Variants in PTPRD observed in about 807,000 individuals in gnomAD.
PTPRD encodes the protein receptor-type tyrosine-protein phosphatase delta.
In PTPRD, 34 loss-of-function variants were observed where a neutral mutation model predicts 214.5. The observed-to-expected ratio is 0.16, with a 90% CI of 0.12 to 0.21. PTPRD has a LOEUF of 0.21. Ranked by LOEUF, PTPRD falls within the 10% of genes least tolerant of loss-of-function variation. The pLI, the probability that PTPRD is intolerant of heterozygous loss-of-function variation, is 1.00. For missense variants in PTPRD, 2,545 were observed against 2,398.7 expected, an observed-to-expected ratio of 1.06 and a Z score of -1.27; for synonymous variants, 1,128 against 845.7, an observed-to-expected ratio of 1.33 and a Z score of -5.79.
intron 10 of PTPRD, among the ~76,000 whole-genome samples, chr9:9,029,715 G>A (rs1315280829): frequency 6.6e-6 from 1 of 151,852 alleles, no homozygotes; most frequent in Non-Finnish European, 1.5e-5. Flanking sequence ...GTACGGTAGT[G>A]GTGGAGAGCT....
chr9:9,148,398 G>A (rs954889644), intron 10 of PTPRD, among the ~76,000 whole-genome samples: 1 of 152,046 alleles, frequency 6.6e-6, no homozygotes, highest in African/African-American at 2.4e-5. Flanking sequence ...AACCCAACCT[G>A]TAATTATATG....
intron 7 of PTPRD, among the ~76,000 whole-genome samples, chr9:9,578,472 C>A (rs2154309177): frequency 6.6e-6 from 1 of 151,444 alleles, no homozygotes; most frequent in East Asian, 1.9e-4. Context: ...TGCAAGGAGT[C>A]CAAAAATTTG....
intron 30 of PTPRD, among the ~76,000 whole-genome samples, chr9:8,480,362 G>A (rs747581619): frequency 3.3e-5 from 5 of 152,128 alleles, no homozygotes; most frequent in Non-Finnish European, 7.4e-5. Flanking sequence ...CTCTAGGACT[G>A]CTGAACTAAT....
intron 3 of PTPRD, among the ~76,000 whole-genome samples, chr9:10,255,814 T>A (rs1031789879): frequency 7.2e-5 from 11 of 152,334 alleles, no homozygotes; most frequent in African/African-American, 2.4e-4. Flanking sequence ...TCATTATTAC[T>A]ATTATTTACT....
At chr9:8,750,256 C>A (rs912790117) in intron 11 of PTPRD, among the ~76,000 whole-genome samples, 1 of 152,006 alleles carries the variant, frequency 6.6e-6, no homozygotes, top group Admixed American at 6.5e-5. Flanking sequence ...CTCCCAGGTT[C>A]AAGCGATTCT....
At chr9:8,355,636 C>G (rs1291050365) in intron 39 of PTPRD, among the ~76,000 whole-genome samples, 1 of 152,134 alleles carries the variant, frequency 6.6e-6, no homozygotes, top group Admixed American at 6.5e-5. Context: ...AATAATTCAA[C>G]TCAATGGATG....
intron 7 of PTPRD, among the ~76,000 whole-genome samples, chr9:9,715,250 G>A (rs974649871): frequency 7.9e-5 from 12 of 152,078 alleles, no homozygotes; most frequent in South Asian, 2.1e-4. Context: ...ACTATATTGC[G>A]GGCAATTTGA....
intron 4 of PTPRD, among the ~76,000 whole-genome samples, chr9:9,972,204 A>G (rs950448717): frequency 9.2e-5 from 14 of 152,148 alleles, no homozygotes; most frequent in African/African-American, 3.4e-4. Context: ...GCATCTTAAC[A>G]TTTCTAGTAG....
intron 9 of PTPRD, among the ~76,000 whole-genome samples, chr9:9,336,098 C>A (rs10816094): frequency 0.17 from 25,918 of 151,986 alleles, 2,394 homozygotes; most frequent in East Asian, 0.32. Context: ...CACACATAAT[C>A]TTTTATTTTC....
rs375396970 is a variant in PTPRD at position 10,242,595 on chromosome 9, C to A, written c.-545+98368G>T. Among the ~76,000 whole-genome samples the A allele has an allele frequency of 9.8e-4, 135 of 137,058 alleles. 1 individual carries two copies. The South Asian group carries it at 0.031, about 31-fold the overall frequency. 89.9% of individuals were successfully genotyped at this position (137,058 alleles called of 152,430 possible). On this transcript the variant is annotated intron_variant, in intron 3 of 45. Coordinates refer to ENST00000381196, the MANE Select transcript of PTPRD (RefSeq NM_002839.4). ...TGTTGCTTTACTTGAGTGTTAGAGG[C>A]AGGCATTGAATACATTTTTTTTTTT...
intron 4 of PTPRD, among the ~76,000 whole-genome samples, chr9:10,004,449 T>A (rs1207903660): frequency 1.3e-5 from 2 of 152,018 alleles, no homozygotes; most frequent in Admixed American, 6.6e-5. Context: ...GTATGGCAGA[T>A]AATTCACATC....
At chr9:10,274,183 C>T (rs2094559462) in intron 3 of PTPRD, among the ~76,000 whole-genome samples, 1 of 152,134 alleles carries the variant, frequency 6.6e-6, no homozygotes, top group Non-Finnish European at 1.5e-5. Flanking sequence ...AATTAGACGG[C>T]AGGTAAGCCA....
rs1327108344 is a variant in PTPRD at position 8,507,399 on chromosome 9, C to T, written c.1579G>A (p.Glu527Lys). 1 of 1,613,860 alleles carries T rather than the reference C, an allele frequency of 6.2e-7. No homozygotes were observed. Among genetic ancestry groups the T allele is most frequent in the African/African-American group, 1.3e-5 (1 of 74,916 alleles). ...GQPLNFKAEP[E>K]SETSILLSWT... ...GAGAGCAAAATACTTGTTTCAGACT[C>T]AGGTTCTGCTTTGAAGTTTAGTGGC... is the stretch of plus-strand genomic sequence containing the variant. Residue 527 changes from glutamate (E) to lysine (K), a missense_variant, in exon 22 of 46, where the codon GAG becomes AAG. Physicochemically the swap from Glu to Lys is moderately conservative, Grantham distance 56. Transcript: ENST00000381196.
intron 3 of PTPRD, among the ~76,000 whole-genome samples, chr9:10,095,855 A>C (rs896208715): frequency 2.6e-5 from 4 of 151,592 alleles, no homozygotes; most frequent in Non-Finnish European, 5.9e-5. Flanking sequence ...CAGACCTCTG[A>C]CATTGAATAT....
intron 10 of PTPRD, among the ~76,000 whole-genome samples, chr9:9,168,548 T>C (rs150875272): frequency 2.0e-5 from 3 of 152,230 alleles, no homozygotes; most frequent in African/African-American, 7.2e-5. Context: ...ATGTCTTTTG[T>C]TTAAAATACA....
In PTPRD at chr9:9,940,733, C is replaced by T. The variant is rs190040155; in HGVS notation, c.-471-2123G>A. 9.2e-5 allele frequency among the ~76,000 whole-genome samples: 14 copies of T among 152,298 alleles called. No homozygotes were observed. In the East Asian group the frequency reaches 2.5e-3, roughly 27 times the overall value. The stretch of plus-strand genomic sequence containing the variant: ...CATGCTGAGCTCTTCACCACTTGTT[C>T]TAATTGATCATGTATTTTCAAACTT... On this transcript the variant is annotated intron_variant, in intron 4 of 45. Transcript: ENST00000381196.
intron 11 of PTPRD, among the ~76,000 whole-genome samples, chr9:8,843,404 G>A (rs2097606896): frequency 6.6e-6 from 1 of 152,096 alleles, no homozygotes; most frequent in South Asian, 2.1e-4. Flanking sequence ...TGTACACCTT[G>A]ATTTTATTAC....
At chr9:9,937,630 G>C (rs891803025) in intron 5 of PTPRD, among the ~76,000 whole-genome samples, 1 of 152,026 alleles carries the variant, frequency 6.6e-6, no homozygotes, top group Non-Finnish European at 1.5e-5. Context: ...TTCATAAATA[G>C]ACCAAATACT....
At chr9:9,146,725 A>G (rs571641601) in intron 10 of PTPRD, among the ~76,000 whole-genome samples, 21 of 152,210 alleles carry the variant, frequency 1.4e-4, no homozygotes, top group Non-Finnish European at 2.4e-4. Flanking sequence ...AGTAAAAACA[A>G]TAATAACTGT....
Sources: allele counts gnomAD v4.1 joint callset (sites outside exome capture counted in the v4.1 genomes callset), GRCh38; gene constraint gnomAD v4.1.1; transcripts MANE v1.5; gene names NCBI Gene and HGNC (gene_info 2026-07-23, HGNC 2026-07-21).